PABIR3: variants seen among roughly 807,000 people sequenced by gnomAD.
The protein encoded by PABIR3 is PABIR family member 3, also known as PABIR family member 1.
In PABIR3, 20 loss-of-function variants were observed where a neutral mutation model predicts 23.1. The observed-to-expected ratio is 0.86, with a 90% confidence interval of 0.61 to 1.26. The LOEUF is 1.26. PABIR3 is among the 50% of genes most tolerant of loss of function. The pLI, the probability that PABIR3 is intolerant of heterozygous loss-of-function variation, is 0.00. For missense variants in PABIR3, 189 were observed against 195.4 expected, an observed-to-expected ratio of 0.97 and a Z score of 0.20; for synonymous variants, 69 against 68.5, an observed-to-expected ratio of 1.01 and a Z score of -0.04.
intron 1 of PABIR3, among the ~76,000 whole-genome samples, chrX:134,797,788 C>G (rs1421094775): frequency 9.2e-6 from 1 of 108,920 alleles, no homozygotes; most frequent in African/African-American, 3.4e-5. Context: ...AACAATCATG[C>G]CTCAGCGTGG....
chrX:134,820,869 A>G (rs1479402706), intron 3 of PABIR3, among the ~76,000 whole-genome samples: 1 of 108,034 alleles, frequency 9.3e-6, no homozygotes, highest in Admixed American at 1.0e-4. Context: ...AAAAATACGA[A>G]AAATTAGCCA....
At chrX:134,821,317 C>T in intron 3 of PABIR3, 3 of 1,117,322 alleles carry the variant, frequency 2.7e-6, no homozygotes, top group Non-Finnish European at 3.5e-6. Context: ...ATTTTCTTCA[C>T]TTCTCTCAGG....
upstream of PABIR3, chrX:134,804,347 A>G (rs1032551459): frequency 5.5e-5 from 36 of 659,630 alleles, no homozygotes; most frequent in African/African-American, 7.5e-4. Flanking sequence ...CTGTTTTTGT[A>G]TTACTTGTTC....
chrX:134,804,218 T>C (rs947448941), upstream of PABIR3: 4 of 1,150,439 alleles, frequency 3.5e-6, no homozygotes, highest in African/African-American at 7.2e-5. Flanking sequence ...TCCCTGGAAC[T>C]GGAAGGACTG....
chrX:134,809,463 C>G (rs1198085440), intron 2 of PABIR3: 1 of 752,110 alleles, frequency 1.3e-6, no homozygotes, highest in Non-Finnish European at 1.6e-6. Flanking sequence ...CTGCGCCTGG[C>G]CTAAATCTTA....
intron 3 of PABIR3, among the ~76,000 whole-genome samples, chrX:134,824,629 G>C (rs1290380024): frequency 9.0e-6 from 1 of 110,854 alleles, no homozygotes; most frequent in Admixed American, 9.6e-5. Context: ...GAGAAACCCT[G>C]TCTCTACTAA....
chrX:134,804,536 A>G (rs1202413834), upstream of PABIR3, among the ~76,000 whole-genome samples: 5 of 111,934 alleles, frequency 4.5e-5, no homozygotes, highest in Non-Finnish European at 7.5e-5. Flanking sequence ...TCTTAGAAAC[A>G]TAGTCCCTTA....
intron 2 of PABIR3, chrX:134,809,128 C>A: frequency 6.3e-6 from 1 of 158,929 alleles, no homozygotes; most frequent in Non-Finnish European, 1.2e-5. Flanking sequence ...TGATGGTTAA[C>A]TGTATTTCTG....
intron 3 of PABIR3, among the ~76,000 whole-genome samples, chrX:134,825,874 C>G (rs1346875673): frequency 1.0e-5 from 1 of 96,911 alleles, no homozygotes; most frequent in African/African-American, 3.9e-5. Context: ...TGGGGTTTCA[C>G]CATGTTGGCC....
intron 4 of PABIR3, 75 bp downstream of exon 4, chrX:134,829,357 G>T: frequency 2.4e-6 from 2 of 847,293 alleles, no homozygotes; most frequent in South Asian, 2.6e-5. Flanking sequence ...AAATACCTAT[G>T]TTTCAGTAAT....
intron 3 of PABIR3, 54 bp downstream of exon 3, chrX:134,814,903 C>T: frequency 4.4e-6 from 4 of 904,158 alleles, no homozygotes; most frequent in Non-Finnish European, 6.1e-6. Flanking sequence ...TTATTGGTCT[C>T]AACCAATGGT....
intron 3 of PABIR3, among the ~76,000 whole-genome samples, chrX:134,818,636 G>A (rs1225762382): frequency 9.0e-6 from 1 of 111,594 alleles, no homozygotes; most frequent in Non-Finnish European, 1.9e-5. Context: ...GAATAACTGA[G>A]AGCCAAGGAC....
intron 4 of PABIR3, among the ~76,000 whole-genome samples, chrX:134,833,651 C>T (rs946148861): frequency 2.7e-5 from 3 of 110,886 alleles, no homozygotes; most frequent in Non-Finnish European, 5.7e-5. Context: ...GATCTGTCAT[C>T]TAGGTTCCCT....
intron 3 of PABIR3, among the ~76,000 whole-genome samples, chrX:134,826,165 C>T (rs763959395): frequency 6.9e-4 from 77 of 111,298 alleles, no homozygotes; most frequent in South Asian, 3.8e-3. Context: ...TTAAAGCTTT[C>T]TAATATCTTC....
At chrX:134,830,623 G>A (rs369403181) in intron 4 of PABIR3, among the ~76,000 whole-genome samples, 4 of 110,368 alleles carry the variant, frequency 3.6e-5, no homozygotes, top group East Asian at 5.7e-4. Flanking sequence ...GTGAGCCACC[G>A]TGCCAGGCTG....
upstream of PABIR3, among the ~76,000 whole-genome samples, chrX:134,803,542 C>G (rs1362736520): frequency 3.6e-5 from 4 of 112,395 alleles, no homozygotes; most frequent in African/African-American, 1.3e-4. Flanking sequence ...TCATTTTATT[C>G]CTCACTGTTT....
chrX:134,854,763 T>C lies in PABIR3; in HGVS notation c.*546T>C, dbSNP rs188236805. 8.9e-6 allele frequency: 1 copy of C among 112,198 alleles called. No homozygotes were observed. The highest frequency in any genetic ancestry group is 2.8e-4 in the East Asian group (1 of 3,591). 9.2% of individuals were successfully genotyped at this position (112,198 alleles called of 1,213,427 possible). On this transcript the variant is annotated 3_prime_UTR_variant, in exon 11 of 11. Transcript: ENST00000645433. The stretch of plus-strand genomic sequence containing the variant: ...TATTTTGCACATGAATCCTTAGATA[T>C]TCAATTTGTTGGGAAGCAGTAGGTA...
In PABIR3 at chrX:134,818,934, CT is replaced by C. The variant is rs1216993828; in HGVS notation, c.189+4108del. 7.0e-3 allele frequency among the ~76,000 whole-genome samples: 542 copies of C among 77,020 alleles called. 1 individual carries two copies. Among genetic ancestry groups the C allele is most frequent in the Admixed American group, 0.012 (77 of 6,377 alleles). The allele number at this position is 77,020 out of a possible 115,157, so 66.9% of individuals were successfully genotyped here. A position where few individuals can be genotyped will look rare whatever the true frequency, so the allele number is the denominator to read the frequency against. On this transcript the variant is annotated intron_variant, in intron 3 of 10. Coordinates refer to ENST00000645433, the MANE Select transcript of PABIR3 (RefSeq NM_001388447.1). ...AATACTTAAAGGATATTTTTTCTTT[CT>C]TTTTTTTTTTTTTTTTTTTTTTATT...
intron 4 of PABIR3, among the ~76,000 whole-genome samples, chrX:134,832,480 C>A (rs1327853033): frequency 1.1e-5 from 1 of 93,751 alleles, no homozygotes; most frequent in Non-Finnish European, 2.1e-5. Context: ...CAGCTCACTG[C>A]AACCTCTGCC....
Sources: allele counts gnomAD v4.1 joint callset (sites outside exome capture counted in the v4.1 genomes callset), GRCh38; gene constraint gnomAD v4.1.1; transcripts MANE v1.5; gene names NCBI Gene and HGNC (gene_info 2026-07-23, HGNC 2026-07-21).